The following KCNQ5 variants were observed in gnomAD, a reference collection of about 807,000 sequenced individuals.
The protein encoded by KCNQ5 is potassium voltage-gated channel subfamily Q member 5.
In KCNQ5, 30 loss-of-function variants were observed where a neutral mutation model predicts 98.2. That is an observed-to-expected ratio of 0.31 (90% CI 0.23 to 0.41). The LOEUF is 0.41. KCNQ5 is among the 10% of genes least tolerant of loss of function. KCNQ5 has a pLI of 1.00. For synonymous variants in KCNQ5, 458 were observed against 449.4 expected (o/e 1.02, Z -0.24); for missense variants, 835 against 1,182.5 (o/e 0.71, Z 4.31).
chr6:72,922,134 AT>A (rs1453546839), intron 1 of KCNQ5, among the ~76,000 whole-genome samples: 1 of 152,224 alleles, frequency 6.6e-6, no homozygotes, highest in East Asian at 1.9e-4. Context: ...GACATATTTT[AT>A]GTATAAACAT....
chr6:72,987,682 T>C (rs1158787305), intron 1 of KCNQ5: 6 of 600,528 alleles, frequency 1.0e-5, no homozygotes, highest in Non-Finnish European at 1.8e-5. Context: ...TCTCTGCTTC[T>C]CCACCGCCCC....
chr6:72,696,066 T>C (rs1021910623), intron 1 of KCNQ5, among the ~76,000 whole-genome samples: 2 of 152,094 alleles, frequency 1.3e-5, no homozygotes, highest in African/African-American at 4.8e-5. Flanking sequence ...GTAGACCAAT[T>C]TGGAAAAAAC....
chr6:73,133,523 C>A lies in KCNQ5; in HGVS notation c.1350C>A (p.Thr450=), dbSNP rs749529273. ...TAGGTGACAGGAGGTCCCCAAGCAC[C>A]GACATCACAGCCGAGGGCAGTCCCA... ...ASVGDRRSPS[T]DITAEGSPTK... Residue 450 remains threonine, a synonymous_variant, in exon 10 of 14, where the codon ACC becomes ACA. Transcript: ENST00000370398. The A allele has an allele frequency of 6.2e-7, 1 of 1,614,158 alleles. No individual in the cohort carries two copies. The highest frequency in any genetic ancestry group is 2.2e-5 in the East Asian group (1 of 44,882).
intron 1 of KCNQ5, among the ~76,000 whole-genome samples, chr6:72,655,016 A>AGGTC (rs1222261629): frequency 1.0e-4 from 14 of 139,620 alleles, no homozygotes; most frequent in Admixed American, 4.4e-4. Flanking sequence ...TTAATAGCCA[A>AGGTC]GGTCTGTCTG....
chr6:72,730,640 C>G (rs1770509878), intron 1 of KCNQ5, among the ~76,000 whole-genome samples: 1 of 152,092 alleles, frequency 6.6e-6, no homozygotes, highest in African/African-American at 2.4e-5. Context: ...TTTTTTGTGT[C>G]TGTAACTTTA....
chr6:72,737,468 AT>A (rs1024663063), intron 1 of KCNQ5, among the ~76,000 whole-genome samples: 1,816 of 148,560 alleles, frequency 0.012, 31 homozygotes, highest in African/African-American at 0.04. Context: ...AACACAGGTG[AT>A]TTTTTTTTTT....
At chr6:72,697,703 G>A (rs1197460303) in intron 1 of KCNQ5, among the ~76,000 whole-genome samples, 2 of 152,136 alleles carry the variant, frequency 1.3e-5, no homozygotes, top group Non-Finnish European at 2.9e-5. Flanking sequence ...GCAGTTTTAT[G>A]TGGATGTTTA....
At chr6:73,154,041 A>G (rs1777258123) in intron 10 of KCNQ5, among the ~76,000 whole-genome samples, 1 of 152,112 alleles carries the variant, frequency 6.6e-6, no homozygotes, top group Non-Finnish European at 1.5e-5. Context: ...TTAACTTTGA[A>G]ACCAATATGT....
intron 1 of KCNQ5, among the ~76,000 whole-genome samples, chr6:72,825,495 G>A (rs1184515210): frequency 6.6e-6 from 1 of 152,192 alleles, no homozygotes; most frequent in East Asian, 1.9e-4. Flanking sequence ...GTGCAGACTG[G>A]AACTGGGAAC....
intron 1 of KCNQ5, among the ~76,000 whole-genome samples, chr6:72,681,345 G>A (rs1767701386): frequency 1.3e-5 from 2 of 151,786 alleles, no homozygotes; most frequent in African/African-American, 2.4e-5. Context: ...TCTCTGTTGG[G>A]CTCTTTGCAT....
At chr6:72,667,796 T>A (rs1405812011) in intron 1 of KCNQ5, among the ~76,000 whole-genome samples, 10 of 152,224 alleles carry the variant, frequency 6.6e-5, no homozygotes, top group Non-Finnish European at 1.5e-4. Context: ...GGTATTCATG[T>A]TAACAATGCA....
At chr6:72,649,309 G>C (rs1013320883) in intron 1 of KCNQ5, among the ~76,000 whole-genome samples, 1 of 152,108 alleles carries the variant, frequency 6.6e-6, no homozygotes, top group Non-Finnish European at 1.5e-5. Context: ...ACATGCACGT[G>C]TATGTGCACA....
intron 1 of KCNQ5, among the ~76,000 whole-genome samples, chr6:72,941,593 T>TC (rs370010658): frequency 7.1e-6 from 1 of 140,204 alleles, no homozygotes; most frequent in Non-Finnish European, 1.5e-5. Context: ...CTCCCTTCCT[T>TC]CCTCCCTTAA....
At chr6:72,701,983 C>A (rs1433186144) in intron 1 of KCNQ5, among the ~76,000 whole-genome samples, 1 of 152,090 alleles carries the variant, frequency 6.6e-6, no homozygotes, top group Non-Finnish European at 1.5e-5. Context: ...TGTGAGCCAC[C>A]ATGCCCAGCT....
intron 1 of KCNQ5, among the ~76,000 whole-genome samples, chr6:72,668,144 A>G (rs1401241828): frequency 6.6e-6 from 1 of 152,238 alleles, no homozygotes; most frequent in East Asian, 1.9e-4. Flanking sequence ...GGGAAAGTGT[A>G]TAGAAACTCT....
intron 10 of KCNQ5, among the ~76,000 whole-genome samples, chr6:73,166,643 G>GT (rs1269631161): frequency 6.6e-6 from 1 of 152,118 alleles, no homozygotes. Context: ...CACAAATCAG[G>GT]TGGCTTGAAA....
intron 1 of KCNQ5, among the ~76,000 whole-genome samples, chr6:72,637,120 G>A (rs1186812526): frequency 6.6e-6 from 1 of 152,160 alleles, no homozygotes; most frequent in Non-Finnish European, 1.5e-5. Context: ...AAAACATTCT[G>A]AGTATGTTTA....
chr6:72,665,534 T>A (rs780511166), intron 1 of KCNQ5, among the ~76,000 whole-genome samples: 1 of 152,182 alleles, frequency 6.6e-6, no homozygotes, highest in African/African-American at 2.4e-5. Flanking sequence ...TAGTTCTGTA[T>A]GGATTATTCA....
At chr6:72,711,842 A>G (rs1245054477) in intron 1 of KCNQ5, among the ~76,000 whole-genome samples, 1 of 152,186 alleles carries the variant, frequency 6.6e-6, no homozygotes, top group African/African-American at 2.4e-5. Context: ...TAGAAGTGGA[A>G]AACACTGGAC....
Sources: allele counts gnomAD v4.1 joint callset (sites outside exome capture counted in the v4.1 genomes callset), GRCh38; gene constraint gnomAD v4.1.1; transcripts MANE v1.5; gene names NCBI Gene and HGNC (gene_info 2026-07-23, HGNC 2026-07-21).